POU2F2: variants seen among roughly 807,000 people sequenced by gnomAD.
POU2F2 encodes POU class 2 homeobox 2.
POU2F2 carries 14 observed loss-of-function variants against 63.5 expected under a neutral mutation model. The ratio of observed to expected loss-of-function variants is 0.22; its 90% CI spans 0.15 to 0.34. The LOEUF is 0.34. Among genes scored for constraint, POU2F2 ranks in the 10% least tolerant of loss-of-function variants. The pLI is 1.00. For missense variants in POU2F2, 607 were observed against 815.2 expected (o/e 0.74, Z 3.11); for synonymous variants, 306 against 348.6 (o/e 0.88, Z 1.36).
At chr19:42,159,571 G>A (rs1415478362) in intron 2 of POU2F2, among the ~76,000 whole-genome samples, 1 of 152,114 alleles carries the variant, frequency 6.6e-6, no homozygotes, top group African/African-American at 2.4e-5. Flanking sequence ...TCATTGCCAG[G>A]GCCTCACCAA....
chr19:42,159,346 G>A (rs931268173), intron 2 of POU2F2, among the ~76,000 whole-genome samples: 2 of 152,126 alleles, frequency 1.3e-5, no homozygotes, highest in African/African-American at 4.8e-5. Context: ...ACAATGCTGG[G>A]TTGCAAACCC....
chr19:42,095,454 C>G lies in POU2F2; in HGVS notation c.1029G>C (p.Lys343Asn). The G allele has an allele frequency of 6.2e-7, 1 of 1,612,694 alleles. No individual in the cohort carries two copies. The highest frequency in any genetic ancestry group is 8.5e-7 in the Non-Finnish European group (1 of 1,179,802). ...ALEKSFLANQ[K>N]PTSEEILLIA... is the part of the protein sequence containing the mutation. ...TCAGCAGGATCTCCTCTGAGGTAGG[C>G]TTCTGGTTCTGCAGGCAGAGGGCTC... The change falls in exon 11 of 15, where the codon AAG (lysine) becomes AAC (asparagine). Residue 343 changes from lysine (K) to asparagine (N), a missense_variant. Physicochemically the swap from Lys to Asn is moderately conservative, Grantham distance 94 (BLOSUM62 0). Around this residue, in one of 7 missense-constraint regions of POU2F2, gnomAD observed 36 missense variants for 63.8 expected, o/e 0.56. Coordinates refer to ENST00000692977, the MANE Select transcript of POU2F2 (RefSeq NM_001394376.1). The surrounding 1 kb of genome is among the most constrained non-coding windows in gnomAD (Gnocchi z 7.1).
intron 1 of POU2F2, among the ~76,000 whole-genome samples, chr19:42,182,650 G>T (rs986322083): frequency 6.6e-6 from 1 of 152,150 alleles, no homozygotes; most frequent in Non-Finnish European, 1.5e-5. Flanking sequence ...GAGAAAGGAA[G>T]AGGAATCACA....
At chr19:42,130,139 G>T (rs1385550302) in intron 1 of POU2F2, among the ~76,000 whole-genome samples, 1 of 151,926 alleles carries the variant, frequency 6.6e-6, no homozygotes, top group Non-Finnish European at 1.5e-5. Flanking sequence ...TCACACACCC[G>T]GAGTCGAACA....
At chr19:42,161,935 G>A (rs2034559219) in intron 1 of POU2F2, among the ~76,000 whole-genome samples, 2 of 152,192 alleles carry the variant, frequency 1.3e-5, no homozygotes, top group Non-Finnish European at 2.9e-5. Flanking sequence ...TTTAAAAATC[G>A]ATGCAGCGCG....
intron 1 of POU2F2, among the ~76,000 whole-genome samples, chr19:42,181,682 G>A (rs1033202120): frequency 1.3e-5 from 2 of 152,042 alleles, no homozygotes; most frequent in Non-Finnish European, 2.9e-5. Flanking sequence ...TGCCTCCCGG[G>A]TTCAAGCTAT....
chr19:42,125,213 A>T lies in POU2F2; in HGVS notation c.29-2637T>A, dbSNP rs555748830. On this transcript the variant is annotated intron_variant, in intron 1 of 14. Transcript: ENST00000692977. ...GTCTCTCCAAAAAATAAAAAAGTTA[A>T]CCGGACATGATGGTGGTGGGCACCT... Among the ~76,000 whole-genome samples, 5 of 151,994 alleles carry T rather than the reference A, an allele frequency of 3.3e-5. No individual in the cohort carries two copies. The East Asian group carries it at 7.7e-4, about 24-fold the overall frequency.
rs1397906219 is a variant in POU2F2, at chr19:42,089,769, T to C, written c.*1488A>G. 3 of 150,394 alleles carry C rather than the reference T, an allele frequency of 2.0e-5. No homozygotes were observed. Among genetic ancestry groups the C allele is most frequent in the South Asian group, 2.1e-4 (1 of 4,768 alleles). The allele number at this position is 150,394 out of a possible 1,614,324, so 9.3% of individuals were successfully genotyped here. On this transcript the variant is annotated 3_prime_UTR_variant, in exon 15 of 15. Coordinates refer to ENST00000692977, the MANE Select transcript of POU2F2 (RefSeq NM_001394376.1). The stretch of plus-strand genomic sequence containing the variant: ...ATATAAATTTTTTTTCTAGTTTAAA[T>C]TTATTGTTTGTTTGTTTCTGTTTTT...
chr19:42,151,396 G>C (rs1010045468), intron 2 of POU2F2, among the ~76,000 whole-genome samples: 1 of 152,098 alleles, frequency 6.6e-6, no homozygotes, highest in Non-Finnish European at 1.5e-5. Context: ...CGGAGGCTGG[G>C]CTGGGAGGAG....
chr19:42,177,832 AAAAG>A (rs1229008896), upstream of POU2F2, among the ~76,000 whole-genome samples: 1 of 152,022 alleles, frequency 6.6e-6, no homozygotes, highest in African/African-American at 2.4e-5. Flanking sequence ...AGACAGAGAA[AAAAG>A]AGAGAGGGGA....
Position 42,091,211 on chromosome 19 carries a change from A to G in POU2F2, c.*46T>C. On this transcript the variant is annotated 3_prime_UTR_variant, in exon 15 of 15. Coordinates refer to ENST00000692977, the MANE Select transcript of POU2F2 (RefSeq NM_001394376.1). ...TCCTCGCCCTCTTCCCAGGCAAGGG[A>G]CCAAGGCAGGGACCAGAGGAATGGG... 1 of 1,481,918 alleles carries G rather than the reference A, an allele frequency of 6.7e-7. No homozygotes were observed. The highest frequency in any genetic ancestry group is 9.0e-7 in the Non-Finnish European group (1 of 1,116,534). 91.8% of individuals were successfully genotyped at this position (1,481,918 alleles called of 1,614,324 possible). A position where few individuals can be genotyped will look rare whatever the true frequency, so the allele number is the denominator to read the frequency against.
At chr19:42,107,399 A>T (rs1569001699) in intron 5 of POU2F2, among the ~76,000 whole-genome samples, 2 of 152,180 alleles carry the variant, frequency 1.3e-5, no homozygotes, top group Admixed American at 1.3e-4. Context: ...TAGGCATCAA[A>T]CATATTTTGA....
At chr19:42,144,343 A>G (rs1468280573) in intron 2 of POU2F2, among the ~76,000 whole-genome samples, 1 of 152,104 alleles carries the variant, frequency 6.6e-6, no homozygotes, top group African/African-American at 2.4e-5. Flanking sequence ...TGACCTCCAC[A>G]CCCTGCAAAA....
At position 42,099,738 on chromosome 19, in the gene POU2F2, C is replaced by A; in HGVS notation, c.453G>T (p.Pro151=). ...HLQPPAQFLL[P]QAQQSQPGLL... Reference sequence around the variant, plus strand: ...TACCTGGCTGGCTCTGCTGGGCCTGCGGTAGCAGGAACTGAGCAGGTGGCT... The same window carrying A: ...TACCTGGCTGGCTCTGCTGGGCCTGAGGTAGCAGGAACTGAGCAGGTGGCT... Residue 151 remains proline (P), a synonymous_variant, in exon 6 of 15, where the codon CCG becomes CCT. Transcript: ENST00000692977. 6.3e-7 allele frequency: 1 copy of A among 1,592,974 alleles called. No homozygotes were observed. Among genetic ancestry groups the A allele is most frequent in the Non-Finnish European group, 8.6e-7 (1 of 1,168,766 alleles).
chr19:42,135,109 C>T (rs1018429494), upstream of POU2F2, among the ~76,000 whole-genome samples: 3 of 152,106 alleles, frequency 2.0e-5, no homozygotes, highest in African/African-American at 7.2e-5. Flanking sequence ...CTACTCAGCC[C>T]CCAGCATCAT....
intron 1 of POU2F2, among the ~76,000 whole-genome samples, chr19:42,191,585 T>C (rs565274914): frequency 3.3e-4 from 51 of 152,276 alleles, no homozygotes; most frequent in Non-Finnish European, 5.3e-4. Flanking sequence ...CCTTGACTAT[T>C]AGAGAGCTAG....
rs966166422 is a variant in POU2F2 at position 42,169,755 on chromosome 19, TGC to T, written c.-70+6206_-70+6207del. Among the ~76,000 whole-genome samples, 8 of 152,204 alleles carry T rather than the reference TGC, an allele frequency of 5.3e-5. No homozygotes were observed. Among genetic ancestry groups the T allele is most frequent in the African/African-American group, 1.9e-4 (8 of 41,512 alleles). The stretch of plus-strand genomic sequence containing the variant: ...ATGAGTGCGCGCACACGTGTGTGTG[TGC>T]GTGTGTGTGTGTGTCGGGGTGATAT... On this transcript the variant is annotated intron_variant, in intron 1 of 6. Coordinates refer to the POU2F2 transcript ENST00000524801. The surrounding 1 kb of genome is among the most constrained non-coding windows in gnomAD (Gnocchi z 4.3).
intron 1 of POU2F2, among the ~76,000 whole-genome samples, chr19:42,181,838 G>A (rs929833609): frequency 2.6e-5 from 4 of 152,156 alleles, no homozygotes; most frequent in Admixed American, 6.5e-5. Context: ...CACCCACCTC[G>A]GCCTCCCAAA....
At chr19:42,166,580 G>A (rs941129556) in intron 1 of POU2F2, among the ~76,000 whole-genome samples, 4 of 152,152 alleles carry the variant, frequency 2.6e-5, no homozygotes, top group African/African-American at 7.2e-5. Flanking sequence ...CTGGGGGCAG[G>A]GGCCATCAGA....
Sources: allele counts gnomAD v4.1 joint callset (sites outside exome capture counted in the v4.1 genomes callset), GRCh38; gene constraint gnomAD v4.1.1; regional missense constraint gnomAD v4.1.1; non-coding constraint Gnocchi (gnomAD v3.1); transcripts MANE v1.5; gene names NCBI Gene and HGNC (gene_info 2026-07-23, HGNC 2026-07-21).